Variants in PPM1E observed in about 807,000 individuals in gnomAD.
PPM1E encodes the protein protein phosphatase 1E.
Under a neutral mutation model 65.9 loss-of-function variants are expected in PPM1E, and 20 were observed. That is an observed-to-expected ratio of 0.30 (90% confidence interval 0.21 to 0.44). The LOEUF is 0.44. PPM1E is among the 20% of genes least tolerant of loss of function. The pLI, the probability that PPM1E is intolerant of heterozygous loss-of-function variation, is 1.00. For missense variants in PPM1E, 713 were observed against 953.1 expected, an observed-to-expected ratio of 0.75 and a Z score of 3.32; for synonymous variants, 352 against 374.9, an observed-to-expected ratio of 0.94 and a Z score of 0.70.
At chr17:58,831,330 G>A (rs536999641) in intron 1 of PPM1E, among the ~76,000 whole-genome samples, 29 of 152,254 alleles carry the variant, frequency 1.9e-4, no homozygotes, top group African/African-American at 6.5e-4. Flanking sequence ...AAAGCTTTTA[G>A]ACTCTTCTCT....
chr17:58,853,967 A>T (rs1205231589), intron 1 of PPM1E, among the ~76,000 whole-genome samples: 11 of 152,114 alleles, frequency 7.2e-5, no homozygotes, highest in Admixed American at 7.2e-4. Context: ...AAAAACCGTT[A>T]TTTGGATATT....
chr17:58,933,240 C>T (rs535387960), intron 1 of PPM1E, among the ~76,000 whole-genome samples: 42 of 152,232 alleles, frequency 2.8e-4, no homozygotes, highest in African/African-American at 1.0e-3. Flanking sequence ...GTCTGCTGTT[C>T]AGCAGTTCAC....
At chr17:58,972,026 A>C in intron 4 of PPM1E, 106 bp from the exon 5 acceptor site, 1 of 1,053,854 alleles carries the variant, frequency 9.5e-7, no homozygotes, top group Non-Finnish European at 1.4e-6. Flanking sequence ...TTCCATTATT[A>C]ATAGTATAGC....
chr17:58,811,459 A>G (rs1452151988), intron 1 of PPM1E, among the ~76,000 whole-genome samples: 2 of 152,188 alleles, frequency 1.3e-5, no homozygotes, highest in Admixed American at 6.5e-5. Flanking sequence ...TTGGCAACCA[A>G]ATTGCATTAC....
At chr17:58,907,474 A>T (rs1331991750) in intron 1 of PPM1E, among the ~76,000 whole-genome samples, 2 of 152,072 alleles carry the variant, frequency 1.3e-5, no homozygotes, top group Non-Finnish European at 2.9e-5. Context: ...CTGTTGGATG[A>T]AGTAGTCTGT....
intron 2 of PPM1E, among the ~76,000 whole-genome samples, chr17:58,958,129 TCAAA>T (rs879732621): frequency 1.3e-5 from 2 of 152,176 alleles, no homozygotes; most frequent in Non-Finnish European, 2.9e-5. Context: ...AGACCCTGTC[TCAAA>T]CAATGACAAC....
chr17:58,874,580 T>A (rs1183952340), intron 1 of PPM1E, among the ~76,000 whole-genome samples: 1 of 152,206 alleles, frequency 6.6e-6, no homozygotes, highest in Non-Finnish European at 1.5e-5. Flanking sequence ...AAAGTTCTTG[T>A]TACAGTAGAA....
intron 1 of PPM1E, among the ~76,000 whole-genome samples, chr17:58,789,526 G>A (rs1419929693): frequency 6.6e-6 from 1 of 152,092 alleles, no homozygotes; most frequent in Admixed American, 6.6e-5. Context: ...TCTCCGTGAG[G>A]TAATCCCAGG....
intron 1 of PPM1E, among the ~76,000 whole-genome samples, chr17:58,894,203 C>T (rs897388153): frequency 6.6e-6 from 1 of 152,254 alleles, no homozygotes; most frequent in Non-Finnish European, 1.5e-5. Flanking sequence ...CTCCCTGCAA[C>T]CTCCAGCTCC....
At chr17:58,843,821 C>A (rs780398941) in intron 1 of PPM1E, among the ~76,000 whole-genome samples, 11 of 152,012 alleles carry the variant, frequency 7.2e-5, no homozygotes, top group Non-Finnish European at 1.6e-4. Flanking sequence ...CAGAGCTAGA[C>A]CCTGTCTCAA....
chr17:58,785,768 A>C (rs2050094923), intron 1 of PPM1E, among the ~76,000 whole-genome samples: 1 of 151,890 alleles, frequency 6.6e-6, no homozygotes, highest in Admixed American at 6.6e-5. Flanking sequence ...TGATTGTATT[A>C]ATTGAAACAC....
At chr17:58,954,858 C>T (rs997509988) in intron 1 of PPM1E, among the ~76,000 whole-genome samples, 17 of 128,020 alleles carry the variant, frequency 1.3e-4, no homozygotes, top group Non-Finnish European at 1.9e-4. Context: ...CCAGTCTAGG[C>T]AACAGAGCAA....
intron 1 of PPM1E, among the ~76,000 whole-genome samples, chr17:58,932,902 G>A (rs2051921156): frequency 6.6e-6 from 1 of 152,116 alleles, no homozygotes; most frequent in East Asian, 1.9e-4. Context: ...TAATAGAGCT[G>A]CCCTGCTCTA....
At chr17:58,868,907 C>G (rs1261570013) in intron 1 of PPM1E, among the ~76,000 whole-genome samples, 1 of 152,186 alleles carries the variant, frequency 6.6e-6, no homozygotes, top group East Asian at 1.9e-4. Context: ...TGGCTCACAT[C>G]TGTAATCCCA....
intron 6 of PPM1E, among the ~76,000 whole-genome samples, chr17:58,974,012 C>T (rs1456766638): frequency 2.0e-5 from 3 of 148,748 alleles, no homozygotes; most frequent in Non-Finnish European, 4.4e-5. Context: ...GCCTGTAGTC[C>T]TAGTACACAG....
intron 1 of PPM1E, among the ~76,000 whole-genome samples, chr17:58,917,849 T>C (rs1192207573): frequency 6.6e-6 from 1 of 152,220 alleles, no homozygotes; most frequent in African/African-American, 2.4e-5. Flanking sequence ...CAAACTATAA[T>C]TTTATTCTTT....
intron 1 of PPM1E, among the ~76,000 whole-genome samples, chr17:58,844,890 C>T (rs2050755996): frequency 6.6e-6 from 1 of 152,166 alleles, no homozygotes; most frequent in Non-Finnish European, 1.5e-5. Context: ...AACTAAGAGA[C>T]TAAAGAGACA....
chr17:58,779,573 T>C (rs982477366), intron 1 of PPM1E, among the ~76,000 whole-genome samples: 2 of 152,194 alleles, frequency 1.3e-5, no homozygotes, highest in African/African-American at 4.8e-5. Context: ...AGCCTGAAGT[T>C]GGAAAAATGT....
In PPM1E at chr17:58,756,075, C is replaced by G. The variant is rs762446967; in HGVS notation, c.78C>G (p.Cys26Trp). 3 of 1,610,834 alleles carry G rather than the reference C, an allele frequency of 1.9e-6. No individual in the cohort carries two copies. Among genetic ancestry groups the G allele is most frequent in the Non-Finnish European group, 2.5e-6 (3 of 1,179,286 alleles). ...ELFLGEFRGP[C>W]GGGEPEPEPE... is the part of the protein sequence containing the mutation. The stretch of plus-strand genomic sequence containing the variant: ...TCCTGGGCGAGTTTCGCGGACCGTG[C>G]GGCGGCGGCGAGCCGGAGCCGGAAC... Residue 26 changes from cysteine (C) to tryptophan (W), a missense_variant, in exon 1 of 7, where the codon TGC becomes TGG. Physicochemically the swap from Cys to Trp is radical, Grantham distance 215. This residue lies in a region of PPM1E where 212 missense variants were observed against 204.0 expected (regional missense o/e 1.04). Transcript: ENST00000308249.
Sources: gnomAD v4.1 joint callset for allele counts (sites outside exome capture counted in the v4.1 genomes callset) on GRCh38, gnomAD v4.1.1 for gene constraint, gnomAD v4.1.1 regional missense constraint, MANE v1.5 for transcripts, NCBI Gene and HGNC (gene_info 2026-07-23, HGNC 2026-07-21) for gene names.